The following RADIL variants were observed in gnomAD, a reference collection of about 807,000 sequenced individuals.
RADIL encodes ras-associating and dilute domain-containing protein.
Under a neutral mutation model 97.6 loss-of-function variants are expected in RADIL, and 99 were observed. That is an observed-to-expected ratio of 1.01 (90% CI 0.86 to 1.20). The LOEUF is 1.20. Ranked by LOEUF, RADIL falls within the 50% of genes most tolerant of loss-of-function variation. The probability of loss-of-function intolerance (pLI) is 0.00; values close to 1 mark genes in which losing one functional copy is unlikely to be tolerated. For missense variants in RADIL, 1,765 were observed against 1,498.9 expected, an observed-to-expected ratio of 1.18 and a Z score of -2.93; for synonymous variants, 803 against 691.8, an observed-to-expected ratio of 1.16 and a Z score of -2.52.
At chr7:4,838,135 C>A (rs1041096334) in intron 2 of RADIL, 13 of 884,428 alleles carry the variant, frequency 1.5e-5, no homozygotes, top group African/African-American at 1.8e-5. Context: ...TGCTCACCAC[C>A]CGTGCTCCTG....
Position 4,878,112 on chromosome 7 carries a change from A to C in RADIL, c.28T>G (p.Ser10Ala), listed in dbSNP as rs1395592951. MFYGTHFIM[S>A]PPTKSKLKRQ... ...TTCAGTTTGCTCTTGGTGGGCGGGG[A>C]CATGATGAAGTGCGTCCCATAAAAC... Residue 10 changes from serine (S) to alanine (A), a missense_variant, in exon 2 of 15, where the codon TCC becomes GCC. Ser to Ala is a moderately conservative substitution (Grantham distance 99). Transcript: ENST00000399583. This position sits in a 1 kb window ranked among gnomAD's most constrained non-coding sequence, Gnocchi z 4.1. The C allele has an allele frequency of 2.5e-6, 4 of 1,576,760 alleles. No homozygotes were observed. Among genetic ancestry groups the C allele is most frequent in the Non-Finnish European group, 2.6e-6 (3 of 1,162,492 alleles).
rs1235630308 is a variant in RADIL, at chr7:4,854,202, T to C, written c.536-17597A>G. 6.6e-6 allele frequency among the ~76,000 whole-genome samples: 1 copy of C among 151,952 alleles called. No homozygotes were observed. The highest frequency in any genetic ancestry group is 2.4e-5 in the African/African-American group (1 of 41,214). ...GATGGGGCCGAAAGTAGAAAAAGCC[T>C]GGTCCCTGGTGACCAGGAAAGCCAC... On this transcript the variant is annotated intron_variant, in intron 2 of 14. Coordinates refer to ENST00000399583, the MANE Select transcript of RADIL (RefSeq NM_018059.5). The surrounding 1 kb of genome is among the most constrained non-coding windows in gnomAD (Gnocchi z 5.1).
At position 4,799,346 on chromosome 7, in the gene RADIL, G is replaced by T. The variant is rs764799790; in HGVS notation, c.*32C>A. On this transcript the variant is annotated 3_prime_UTR_variant, in exon 15 of 15. Coordinates refer to ENST00000399583, the MANE Select transcript of RADIL (RefSeq NM_018059.5). ...CCAGTGTCACCAGGTGGGACCGGGTGCCGGGCCTGTGGGGGTGTCCTCGCA... is the reference window on the plus strand; with the variant it reads ...CCAGTGTCACCAGGTGGGACCGGGTTCCGGGCCTGTGGGGGTGTCCTCGCA... The T allele has an allele frequency of 1.2e-6, 2 of 1,602,926 alleles. No homozygotes were observed. The highest frequency in any genetic ancestry group is 4.5e-5 in the East Asian group (2 of 44,816).
chr7:4,801,492 C>T (rs997003253), intron 12 of RADIL, among the ~76,000 whole-genome samples, 161 bp downstream of exon 12: 2 of 152,200 alleles, frequency 1.3e-5, no homozygotes, highest in African/African-American at 4.8e-5. Flanking sequence ...GGCTGAGCAG[C>T]CCTGAGCCCT....
At position 4,878,048 on chromosome 7, in the gene RADIL, G is replaced by A. The variant is rs772766287; in HGVS notation, c.92C>T (p.Thr31Met). 1.1e-5 allele frequency: 18 copies of A among 1,605,058 alleles called. No individual in the cohort carries two copies. Among genetic ancestry groups the A allele is most frequent in the Admixed American group, 6.9e-5 (4 of 58,320 alleles). ...CAGGTCCCGGTACTTGTAGCTCAGCGTCCGGGACAGCATGCTGGACAACAG... is the reference window on the plus strand; with the variant it reads ...CAGGTCCCGGTACTTGTAGCTCAGCATCCGGGACAGCATGCTGGACAACAG... ...SQLLSSMLSRTLSYKYRDLDS... is the reference protein window; with the variant it reads ...SQLLSSMLSRMLSYKYRDLDS... Residue 31 changes from threonine (T) to methionine (M), a missense_variant, in exon 2 of 15, where the codon ACG becomes ATG. Coordinates refer to ENST00000399583, the MANE Select transcript of RADIL (RefSeq NM_018059.5). The surrounding 1 kb of genome is among the most constrained non-coding windows in gnomAD (Gnocchi z 4.1).
intron 2 of RADIL, among the ~76,000 whole-genome samples, chr7:4,870,493 G>A (rs1384744589): frequency 6.6e-6 from 1 of 152,190 alleles, no homozygotes. Flanking sequence ...CCAGGCTGGA[G>A]TGCAGTGGCA....
chr7:4,806,092 C>T, intron 9 of RADIL: 3 of 975,570 alleles, frequency 3.1e-6, no homozygotes. Flanking sequence ...GGCTAAAAAC[C>T]TGCCTGGAAG....
Position 4,805,641 on chromosome 7 carries a change from G to T in RADIL, c.2215C>A (p.Gln739Lys), listed in dbSNP as rs754859443. ...AQLHRLLTHYQLASAMGPMST... is the reference protein window; with the variant it reads ...AQLHRLLTHYKLASAMGPMST... The stretch of plus-strand genomic sequence containing the variant: ...ATGGGGCCCATGGCCGAGGCCAGCT[G>T]GTAGTGAGTCAGCAGCCGGTGCAGC... Residue 739 changes from glutamine (Q) to lysine (K), a missense_variant, in exon 10 of 15, where the codon CAG (glutamine) becomes AAG (lysine). Physicochemically the swap from Gln to Lys is moderately conservative, Grantham distance 53. Coordinates refer to ENST00000399583, the MANE Select transcript of RADIL (RefSeq NM_018059.5). The T allele has an allele frequency of 9.9e-6, 16 of 1,611,862 alleles. 1 individual carries two copies. The South Asian group carries it at 1.6e-4, about 17-fold the overall frequency.
intron 2 of RADIL, chr7:4,859,861 C>T (rs1783930816): frequency 7.0e-7 from 1 of 1,430,000 alleles, no homozygotes. Flanking sequence ...TTGGTCCTTT[C>T]TTCTTTATGA....
chr7:4,839,970 A>C (rs923448539), intron 2 of RADIL, among the ~76,000 whole-genome samples: 1 of 152,156 alleles, frequency 6.6e-6, no homozygotes, highest in Non-Finnish European at 1.5e-5. Flanking sequence ...GCTGGTCTCG[A>C]ACTCCTGACC....
rs1467685624 is a variant in RADIL, at chr7:4,879,017, C to A, written c.-64-814G>T. ...TCCAGACACAAACCCCCAGAATCTA[C>A]CCCTCAGGGCAAGAGACCCGTCCTG... On this transcript the variant is annotated intron_variant, in intron 1 of 14. Transcript: ENST00000399583. This position sits in a 1 kb window ranked among gnomAD's most constrained non-coding sequence, Gnocchi z 4.1. 6.6e-6 allele frequency among the ~76,000 whole-genome samples: 1 copy of A among 152,222 alleles called. No homozygotes were observed. The highest frequency in any genetic ancestry group is 2.4e-5 in the African/African-American group (1 of 41,462).
intron 2 of RADIL, chr7:4,858,810 A>T (rs1783898876): frequency 6.6e-6 from 1 of 152,296 alleles, no homozygotes; most frequent in Admixed American, 6.5e-5. Context: ...TCAGTTTCAC[A>T]TCATGGTTTA....
Position 4,817,685 on chromosome 7 carries a change from C to A in RADIL, c.1616-334G>T, listed in dbSNP as rs1782713783. ...TTACAACCAACTGCACCCAACATAG[C>A]AGGTCCTAACTGCCTCCCCACAGGT... On this transcript the variant is annotated intron_variant, in intron 6 of 14. Transcript: ENST00000399583. The surrounding 1 kb of genome is among the most constrained non-coding windows in gnomAD (Gnocchi z 8.3). Among the ~76,000 whole-genome samples, 1 of 152,222 alleles carries A rather than the reference C, an allele frequency of 6.6e-6. No homozygotes were observed. Among genetic ancestry groups the A allele is most frequent in the South Asian group, 2.1e-4 (1 of 4,836 alleles).
At position 4,878,163 on chromosome 7, in the gene RADIL, G is replaced by C. The variant is rs1784413229; in HGVS notation, c.-24C>G. The C allele has an allele frequency of 1.3e-6, 2 of 1,506,114 alleles. No homozygotes were observed. Among genetic ancestry groups the C allele is most frequent in the Admixed American group, 2.1e-5 (1 of 46,758 alleles). The allele number at this position is 1,506,114 out of a possible 1,614,324, so 93.3% of individuals were successfully genotyped here. A position where few individuals can be genotyped will look rare whatever the true frequency, so the allele number is the denominator to read the frequency against. On this transcript the variant is annotated 5_prime_UTR_variant, in exon 2 of 15. Transcript: ENST00000399583. The surrounding 1 kb of genome is among the most constrained non-coding windows in gnomAD (Gnocchi z 4.1). ...ATGGTGGGTGAGGCTTCATGGATGA[G>C]GACTGTGGGCTTCAGCCAAAGGATG...
chr7:4,800,049 C>T (rs1256564154), intron 13 of RADIL, 122 bp downstream of exon 13: 19 of 1,390,496 alleles, frequency 1.4e-5, no homozygotes, highest in Non-Finnish European at 1.6e-5. Flanking sequence ...AGGCCAACCC[C>T]ACTCTCCTCC....
chr7:4,846,864 T>G (rs924076879), intron 2 of RADIL, among the ~76,000 whole-genome samples: 2 of 152,166 alleles, frequency 1.3e-5, no homozygotes, highest in African/African-American at 2.4e-5. Flanking sequence ...CATTTTTTAA[T>G]GGACAAGGAT....
chr7:4,834,475 G>T lies in RADIL; in HGVS notation c.1416+132C>A, dbSNP rs973646435. 3.7e-6 allele frequency: 4 copies of T among 1,081,932 alleles called. No individual in the cohort carries two copies. The highest frequency in any genetic ancestry group is 3.2e-5 in the East Asian group (1 of 30,956). The allele number at this position is 1,081,932 out of a possible 1,614,324, so 67.0% of individuals were successfully genotyped here. A position where few individuals can be genotyped will look rare whatever the true frequency, so the allele number is the denominator to read the frequency against. ...GGGCAGCGACAGGCAGGGAAAGGCC[G>T]CCCTGCGCTCAGCAGCACAGCACCG... On this transcript the variant is annotated intron_variant, in intron 4 of 14. Coordinates refer to ENST00000399583, the MANE Select transcript of RADIL (RefSeq NM_018059.5). The surrounding 1 kb of genome is among the most constrained non-coding windows in gnomAD (Gnocchi z 6.0).
chr7:4,809,305 G>A, intron 9 of RADIL: 2 of 985,354 alleles, frequency 2.0e-6, no homozygotes, highest in Non-Finnish European at 1.2e-6. Flanking sequence ...CCTGCCCTCG[G>A]CTCGGCCTAG....
In RADIL at chr7:4,803,605, C is replaced by T. The variant is rs1173414129; in HGVS notation, c.2440G>A (p.Ala814Thr). ...GGCCTGCCAGGGCTGCCGGGGCTGG[C>T]TCTGCTCCGCAGACCCCACAGAAAG... ...RHFLWGLRSR[A>T]SPGSPGRPGS... is the part of the protein sequence containing the mutation. Residue 814 changes from alanine to threonine, a missense_variant, in exon 11 of 15, where the codon GCC (alanine) becomes ACC (threonine). Transcript: ENST00000399583. 1.3e-6 allele frequency: 2 copies of T among 1,549,122 alleles called. No individual in the cohort carries two copies. Among genetic ancestry groups the T allele is most frequent in the Admixed American group, 2.0e-5 (1 of 51,016 alleles).
Sources: gnomAD v4.1 joint callset for allele counts (sites outside exome capture counted in the v4.1 genomes callset) on GRCh38, gnomAD v4.1.1 for gene constraint, Gnocchi (gnomAD v3.1) non-coding constraint, MANE v1.5 for transcripts, NCBI Gene and HGNC (gene_info 2026-07-23, HGNC 2026-07-21) for gene names.